The following PITPNC1 variants were observed in gnomAD, a reference collection of about 807,000 sequenced individuals.
PITPNC1 encodes the protein phosphatidylinositol transfer protein cytoplasmic 1.
A neutral mutation model predicts 44.7 loss-of-function variants in PITPNC1; 18 were observed. The ratio of observed to expected loss-of-function variants is 0.40; its 90% CI spans 0.28 to 0.60. The LOEUF is 0.60. Ranked by LOEUF, PITPNC1 falls within the 20% of genes least tolerant of loss-of-function variation. The probability of loss-of-function intolerance (pLI) is 0.39; values close to 1 mark genes in which losing one functional copy is unlikely to be tolerated. For missense variants in PITPNC1, 290 were observed against 418.4 expected, an observed-to-expected ratio of 0.69 and a Z score of 2.68; for synonymous variants, 141 against 149.6, an observed-to-expected ratio of 0.94 and a Z score of 0.42.
intron 1 of PITPNC1, among the ~76,000 whole-genome samples, chr17:67,506,739 G>T (rs964560782): frequency 3.3e-4 from 50 of 152,218 alleles, no homozygotes; most frequent in Non-Finnish European, 6.8e-4. Flanking sequence ...TACTAGGAGA[G>T]ATTTTATGCA....
chr17:67,642,551 A>G (rs1211964417), intron 6 of PITPNC1, among the ~76,000 whole-genome samples: 1 of 152,236 alleles, frequency 6.6e-6, no homozygotes, highest in African/African-American at 2.4e-5. Flanking sequence ...ACAGTAGTCC[A>G]GTTCTCAACA....
At chr17:67,397,716 A>G (rs543137798) in intron 1 of PITPNC1, among the ~76,000 whole-genome samples, 8 of 152,224 alleles carry the variant, frequency 5.3e-5, no homozygotes, top group Admixed American at 1.3e-4. Flanking sequence ...CCCATCTCCA[A>G]TCAGGATGTT....
At chr17:67,494,128 C>T (rs1278965969) in intron 1 of PITPNC1, among the ~76,000 whole-genome samples, 4 of 135,680 alleles carry the variant, frequency 2.9e-5, no homozygotes, top group African/African-American at 5.2e-5. Flanking sequence ...TGTTTCTTAT[C>T]GGTTGCTTTT....
chr17:67,615,757 CG>C (rs1195279677), intron 5 of PITPNC1, among the ~76,000 whole-genome samples: 1 of 152,092 alleles, frequency 6.6e-6, no homozygotes, highest in African/African-American at 2.4e-5. Context: ...TAAGAAGGAA[CG>C]GGGAGAAATT....
At chr17:67,517,151 G>A (rs538624014) in intron 1 of PITPNC1, among the ~76,000 whole-genome samples, 8 of 152,354 alleles carry the variant, frequency 5.3e-5, no homozygotes, top group South Asian at 2.1e-4. Context: ...GCCTGCGATC[G>A]TTGTTCAATG....
At chr17:67,514,875 T>G (rs569155239) in intron 1 of PITPNC1, among the ~76,000 whole-genome samples, 1 of 152,104 alleles carries the variant, frequency 6.6e-6, no homozygotes, top group African/African-American at 2.4e-5. Flanking sequence ...AAGATAACTC[T>G]GCCAACAGAC....
chr17:67,380,852 C>A (rs921750669), intron 1 of PITPNC1, among the ~76,000 whole-genome samples: 4 of 152,092 alleles, frequency 2.6e-5, no homozygotes, highest in Non-Finnish European at 5.9e-5. Context: ...TAGTTCACTG[C>A]AGCCTCCATC....
chr17:67,448,201 C>T (rs1214358093), intron 1 of PITPNC1, among the ~76,000 whole-genome samples: 1 of 151,956 alleles, frequency 6.6e-6, no homozygotes, highest in African/African-American at 2.4e-5. Flanking sequence ...CCCGCCTTGG[C>T]CTCCCAAAGT....
intron 1 of PITPNC1, among the ~76,000 whole-genome samples, chr17:67,431,452 G>C (rs1338040625): frequency 6.6e-6 from 1 of 152,044 alleles, no homozygotes; most frequent in Non-Finnish European, 1.5e-5. Flanking sequence ...ATTCATGATG[G>C]GAACTCAGCT....
intron 1 of PITPNC1, among the ~76,000 whole-genome samples, chr17:67,488,943 A>C (rs1281008465): frequency 6.6e-6 from 1 of 152,190 alleles, no homozygotes; most frequent in Non-Finnish European, 1.5e-5. Context: ...TTCAGGAGTG[A>C]ATAATATTCC....
intron 2 of PITPNC1, among the ~76,000 whole-genome samples, chr17:67,539,694 C>T (rs1460837725): frequency 2.0e-5 from 3 of 151,992 alleles, no homozygotes; most frequent in East Asian, 1.9e-4. Flanking sequence ...AAAAATTGGC[C>T]GGGCGTGGTG....
At chr17:67,668,341 T>C (rs2042455339) in intron 6 of PITPNC1, among the ~76,000 whole-genome samples, 1 of 152,212 alleles carries the variant, frequency 6.6e-6, no homozygotes, top group African/African-American at 2.4e-5. Flanking sequence ...TGTGTAGTAT[T>C]CCATTGTGCA....
chr17:67,575,842 C>T (rs2041137827), intron 4 of PITPNC1, among the ~76,000 whole-genome samples: 19 of 95,036 alleles, frequency 2.0e-4, no homozygotes, highest in South Asian at 3.8e-4. Flanking sequence ...TTCCTTCCTT[C>T]TTTCTTTCTT....
chr17:67,425,186 T>C (rs1482573318), intron 1 of PITPNC1, among the ~76,000 whole-genome samples: 12 of 55,714 alleles, frequency 2.2e-4, no homozygotes, highest in East Asian at 2.1e-3. Context: ...AGCCATGTTG[T>C]GCGCGCGCAC....
intron 1 of PITPNC1, among the ~76,000 whole-genome samples, chr17:67,396,815 G>A (rs1266853169): frequency 6.6e-6 from 1 of 151,472 alleles, no homozygotes; most frequent in Non-Finnish European, 1.5e-5. Context: ...CCACTACACT[G>A]GGCTAATTAA....
chr17:67,629,473 G>T (rs546261032), intron 5 of PITPNC1, among the ~76,000 whole-genome samples: 66 of 152,238 alleles, frequency 4.3e-4, no homozygotes, highest in Non-Finnish European at 1.5e-5. Context: ...TGTTGGCCAG[G>T]CTGGTCTTGA....
At chr17:67,555,488 C>A (rs984240271) in intron 4 of PITPNC1, among the ~76,000 whole-genome samples, 1 of 152,102 alleles carries the variant, frequency 6.6e-6, no homozygotes, top group African/African-American at 2.4e-5. Flanking sequence ...ACCACCAACA[C>A]TACCCCCTAG....
intron 1 of PITPNC1, among the ~76,000 whole-genome samples, chr17:67,459,104 T>C (rs1409915049): frequency 3.4e-5 from 5 of 147,168 alleles, no homozygotes; most frequent in Non-Finnish European, 7.4e-5. Context: ...GGCTTTTTTT[T>C]TTCTTTTTCT....
At chr17:67,579,106 C>A (rs1249720566) in intron 5 of PITPNC1, among the ~76,000 whole-genome samples, 5 of 152,196 alleles carry the variant, frequency 3.3e-5, no homozygotes, top group Non-Finnish European at 7.3e-5. Flanking sequence ...TCAGGGGGTA[C>A]CCCCACAAAA....
Sources: allele counts gnomAD v4.1 joint callset (sites outside exome capture counted in the v4.1 genomes callset), GRCh38; gene constraint gnomAD v4.1.1; transcripts MANE v1.5; gene names NCBI Gene and HGNC (gene_info 2026-07-23, HGNC 2026-07-21).